Variants in SATB2 observed in about 807,000 individuals in gnomAD.
The protein encoded by SATB2 is SATB homeobox 2, also known as DNA-binding protein SATB2.
SATB2 carries 1 observed loss-of-function variant against 73.4 expected under a neutral mutation model. The observed-to-expected ratio is 0.01, with a 90% CI of 0.00 to 0.06. The LOEUF (loss-of-function observed/expected upper bound fraction) is 0.06, where lower values mean the gene tolerates loss of function less well. Among genes scored for constraint, SATB2 ranks in the 10% least tolerant of loss-of-function variants. SATB2 has a pLI of 1.00. For synonymous variants in SATB2, 397 were observed against 367.0 expected (o/e 1.08, Z -0.93); for missense variants, 459 against 945.8 (o/e 0.49, Z 6.75).
At chr2:199,439,970 T>A (rs1356241692) in intron 2 of SATB2, among the ~76,000 whole-genome samples, 1 of 152,028 alleles carries the variant, frequency 6.6e-6, no homozygotes, top group Non-Finnish European at 1.5e-5. Context: ...CCGGACATGG[T>A]GGCAGGCGCC....
chr2:199,319,756 C>G (rs1340268334), intron 9 of SATB2, among the ~76,000 whole-genome samples: 1 of 151,308 alleles, frequency 6.6e-6, no homozygotes, highest in Non-Finnish European at 1.5e-5. Context: ...AAGATTAACT[C>G]TCCTCTCAAA....
At chr2:199,359,965 G>C (rs527736844) in intron 6 of SATB2, among the ~76,000 whole-genome samples, 1 of 152,220 alleles carries the variant, frequency 6.6e-6, no homozygotes, top group African/African-American at 2.4e-5. Context: ...TCATCAGTCA[G>C]GCAAATAGTT....
intron 3 of SATB2, among the ~76,000 whole-genome samples, chr2:199,426,764 T>C (rs1691347910): frequency 6.6e-6 from 1 of 151,572 alleles, no homozygotes; most frequent in Non-Finnish European, 1.5e-5. Context: ...AATTTCTGAA[T>C]TCCTTTCCAA....
upstream of SATB2, among the ~76,000 whole-genome samples, chr2:199,461,498 G>A (rs1219019780): frequency 6.6e-6 from 1 of 152,182 alleles, no homozygotes; most frequent in East Asian, 1.9e-4. Context: ...CGAGAAAAGA[G>A]TTGTTTTAAT....
At chr2:199,293,982 A>C (rs192059820) in intron 10 of SATB2, among the ~76,000 whole-genome samples, 1 of 152,064 alleles carries the variant, frequency 6.6e-6, no homozygotes, top group East Asian at 1.9e-4. Context: ...AAATAATCTA[A>C]TTTTTAATGC....
intron 10 of SATB2, among the ~76,000 whole-genome samples, chr2:199,288,602 C>A (rs1692754036): frequency 6.6e-6 from 1 of 152,088 alleles, no homozygotes; most frequent in Non-Finnish European, 1.5e-5. Flanking sequence ...TAGATGTTCA[C>A]CAAGAAAATA....
chr2:199,317,202 G>A lies in SATB2; in HGVS notation c.1542+6601C>T, dbSNP rs182228920. On this transcript the variant is annotated intron_variant, in intron 9 of 10. Transcript: ENST00000417098. ...ATGTAAACAGAATGGCTTGACAAGT[G>A]TGTGCTTTCTTACATCTTGCACCCC... Among the ~76,000 whole-genome samples, 17 of 152,132 alleles carry A rather than the reference G, an allele frequency of 1.1e-4. No homozygotes were observed. The East Asian group carries it at 3.3e-3, about 29-fold the overall frequency.
At chr2:199,281,304 G>A (rs1317929274) in intron 10 of SATB2, among the ~76,000 whole-genome samples, 8 of 150,416 alleles carry the variant, frequency 5.3e-5, no homozygotes, top group Non-Finnish European at 1.0e-4. Context: ...ATATATATGA[G>A]AAATCATTAA....
intron 7 of SATB2, among the ~76,000 whole-genome samples, chr2:199,342,513 A>G (rs2105814536): frequency 6.6e-6 from 1 of 152,128 alleles, no homozygotes; most frequent in Middle Eastern, 3.5e-3. Flanking sequence ...CACAGACAGG[A>G]CACAAGGCTC....
intron 4 of SATB2, among the ~76,000 whole-genome samples, chr2:199,381,337 T>A (rs778341496): frequency 6.6e-6 from 1 of 152,164 alleles, no homozygotes; most frequent in Non-Finnish European, 1.5e-5. Flanking sequence ...AGCAGAGGTG[T>A]TTATTCTTCA....
chr2:199,386,152 T>G (rs1336946912), intron 3 of SATB2, among the ~76,000 whole-genome samples: 1 of 152,312 alleles, frequency 6.6e-6, no homozygotes, highest in African/African-American at 2.4e-5. Context: ...GCAATTCATA[T>G]TTCTGATTTT....
intron 3 of SATB2, among the ~76,000 whole-genome samples, chr2:199,388,848 G>C (rs1690035737): frequency 6.6e-6 from 1 of 152,072 alleles, no homozygotes; most frequent in Non-Finnish European, 1.5e-5. Flanking sequence ...TGCTGATGAG[G>C]CTCCTTGTAA....
At chr2:199,435,073 C>A (rs1691612516) in intron 2 of SATB2, among the ~76,000 whole-genome samples, 1 of 152,108 alleles carries the variant, frequency 6.6e-6, no homozygotes. Context: ...ATATCACACA[C>A]AAGACAACTC....
Position 199,348,899 on chromosome 2 carries a change from C to A in SATB2, c.975G>T (p.Arg325=). Reference sequence around the variant, plus strand: ...CTTGAGGATGCTGGTGAGCCAGGAGCCGGCTAACGGCAATCTGTTGGTTTA... The same window carrying A: ...CTTGAGGATGCTGGTGAGCCAGGAGACGGCTAACGGCAATCTGTTGGTTTA... ...HLINQQIAVS[R]LLAHQHPQAI... is the part of the protein sequence containing the mutation. Residue 325 remains arginine (R), a synonymous_variant, in exon 7 of 11, where the codon CGG becomes CGT. Coordinates refer to ENST00000417098, the MANE Select transcript of SATB2 (RefSeq NM_001172509.2). 1 of 1,614,146 alleles carries A rather than the reference C, an allele frequency of 6.2e-7. No individual in the cohort carries two copies. The highest frequency in any genetic ancestry group is 1.1e-5 in the South Asian group (1 of 91,084).
At chr2:199,407,844 A>T (rs1168836644) in intron 3 of SATB2, among the ~76,000 whole-genome samples, 3 of 152,220 alleles carry the variant, frequency 2.0e-5, no homozygotes, top group Non-Finnish European at 2.9e-5. Flanking sequence ...CATAGAAGCG[A>T]TATCTGATGG....
intron 7 of SATB2, among the ~76,000 whole-genome samples, chr2:199,338,420 C>G (rs1688401590): frequency 6.6e-6 from 1 of 151,554 alleles, no homozygotes. Flanking sequence ...CTGAAATATA[C>G]TCACTAGAGG....
intron 5 of SATB2, among the ~76,000 whole-genome samples, chr2:199,373,277 G>A (rs1689502934): frequency 6.6e-6 from 1 of 151,892 alleles, no homozygotes; most frequent in Admixed American, 6.6e-5. Flanking sequence ...TTTTCAATCT[G>A]CTTGGTGATA....
intron 3 of SATB2, among the ~76,000 whole-genome samples, chr2:199,417,022 T>C (rs548649691): frequency 2.7e-3 from 380 of 140,718 alleles, no homozygotes; most frequent in Non-Finnish European, 4.4e-3. Flanking sequence ...GGGGACAGAG[T>C]GAGACTCCGT....
chr2:199,323,663 G>C, intron 9 of SATB2, 140 bp downstream of exon 9: 1 of 974,846 alleles, frequency 1.0e-6, no homozygotes, highest in Non-Finnish European at 1.6e-6. Flanking sequence ...AAGCAAACTA[G>C]AGTAAAAGGC....
Sources: allele counts gnomAD v4.1 joint callset (sites outside exome capture counted in the v4.1 genomes callset), GRCh38; gene constraint gnomAD v4.1.1; transcripts MANE v1.5; gene names NCBI Gene and HGNC (gene_info 2026-07-23, HGNC 2026-07-21).